CELF2: variants seen among roughly 807,000 people sequenced by gnomAD.
CELF2 encodes the protein CUG triplet repeat RNA-binding protein 2.
A neutral mutation model predicts 62.6 loss-of-function variants in CELF2; 8 were observed. That is an observed-to-expected ratio of 0.13 (90% CI 0.07 to 0.23). The LOEUF (loss-of-function observed/expected upper bound fraction) is 0.23, where lower values mean the gene tolerates loss of function less well. Among genes scored for constraint, CELF2 ranks in the 10% least tolerant of loss-of-function variants. The pLI is 1.00. For missense variants in CELF2, 333 were observed against 671.0 expected, an observed-to-expected ratio of 0.50 and a Z score of 5.56; for synonymous variants, 258 against 250.0, an observed-to-expected ratio of 1.03 and a Z score of -0.30.
At chr10:11,202,943 CTCTCTCTCTG>C (rs1290456276) in intron 2 of CELF2, among the ~76,000 whole-genome samples, 2,406 of 78,468 alleles carry the variant, frequency 0.031, 20 homozygotes, top group Middle Eastern at 0.062. Flanking sequence ...CTCTCTCTCT[CTCTCTCTCTG>C]TGTGTGTGTG....
chr10:10,719,607 A>C, the CELF2 span, among the ~76,000 whole-genome samples: 1 of 152,122 alleles, frequency 6.6e-6, no homozygotes, highest in Non-Finnish European at 1.5e-5. Context: ...TAGCCTAGCC[A>C]AGCACTCTCT....
At position 11,247,253 on chromosome 10, in the gene CELF2, C is replaced by T. The variant is rs2075871501; in HGVS notation, c.355-1900C>T. On this transcript the variant is annotated intron_variant, in intron 3 of 12. Coordinates refer to ENST00000633077, the MANE Select transcript of CELF2 (RefSeq NM_001326342.2). This position sits in a 1 kb window ranked among gnomAD's most constrained non-coding sequence, Gnocchi z 5.4. Reference sequence around the variant, plus strand: ...TCAGTTCCTTAGCTTGCAAGACCCTCTGAGAGCTGGGTGTTGCCCACCTTC... The same window carrying T: ...TCAGTTCCTTAGCTTGCAAGACCCTTTGAGAGCTGGGTGTTGCCCACCTTC... 6.6e-6 allele frequency among the ~76,000 whole-genome samples: 1 copy of T among 152,256 alleles called. No individual in the cohort carries two copies. The highest frequency in any genetic ancestry group is 6.5e-5 in the Admixed American group (1 of 15,292).
intron 1 of CELF2, among the ~76,000 whole-genome samples, chr10:11,067,231 G>A (rs1357222799): frequency 6.6e-6 from 1 of 152,290 alleles, no homozygotes; most frequent in East Asian, 1.9e-4. Flanking sequence ...GTAAGAGTAC[G>A]TAAATGTGTA....
chr10:10,501,773 C>T, the CELF2 span, among the ~76,000 whole-genome samples: 352 of 152,234 alleles, frequency 2.3e-3, 6 homozygotes, highest in East Asian at 0.054. Context: ...ATTTACTTTA[C>T]TTAATGAACT....
At chr10:10,564,656 A>G in the CELF2 span, among the ~76,000 whole-genome samples, 2 of 102,484 alleles carry the variant, frequency 2.0e-5, no homozygotes, top group Admixed American at 1.7e-4. Flanking sequence ...ACACACACAC[A>G]CACACACACA....
the CELF2 span, among the ~76,000 whole-genome samples, chr10:10,715,852 C>T: frequency 1.3e-5 from 2 of 152,156 alleles, no homozygotes; most frequent in Non-Finnish European, 2.9e-5. Flanking sequence ...ATATCCTTTG[C>T]ATTTATAAGG....
At position 11,081,094 on chromosome 10, in the gene CELF2, TA is replaced by T. The variant is rs369983704; in HGVS notation, c.74+62932del. Among the ~76,000 whole-genome samples, 416 of 152,306 alleles carry T rather than the reference TA, an allele frequency of 2.7e-3. 2 individuals carry two copies. The highest frequency in any genetic ancestry group is 9.4e-3 in the African/African-American group (392 of 41,558). On this transcript the variant is annotated intron_variant, in intron 1 of 12. Transcript: ENST00000633077. Reference sequence around the variant, plus strand: ...TCTTTAAATGGTGCTTATTTGGGGATAGGGGGCAATTCCAGTCTTATAATAA... The same window carrying T: ...TCTTTAAATGGTGCTTATTTGGGGATGGGGGCAATTCCAGTCTTATAATAA...
In CELF2 at chr10:11,319,663, T is replaced by A. The variant is rs1591469374; in HGVS notation, c.1097-1526T>A. The A allele has an allele frequency of 2.4e-6, 1 of 418,852 alleles. No individual in the cohort carries two copies. The highest frequency in any genetic ancestry group is 1.8e-5 in the South Asian group (1 of 54,628). The allele number at this position is 418,852 out of a possible 1,614,324, so 25.9% of individuals were successfully genotyped here. On this transcript the variant is annotated intron_variant, in intron 10 of 12. Transcript: ENST00000633077. The surrounding 1 kb of genome is among the most constrained non-coding windows in gnomAD (Gnocchi z 4.4). ...GAGCCTGCACTCAGGAGGCTGCCAC[T>A]CCATTCTCACGCCATTCACACTCGT...
At chr10:10,631,264 A>C in the CELF2 span, among the ~76,000 whole-genome samples, 1 of 152,204 alleles carries the variant, frequency 6.6e-6, no homozygotes, top group South Asian at 2.1e-4. Flanking sequence ...AAACTAAACC[A>C]GGGCTAAAGA....
chr10:10,950,308 A>G (rs1383187703), intron 2 of CELF2, among the ~76,000 whole-genome samples: 1 of 151,830 alleles, frequency 6.6e-6, no homozygotes, highest in Non-Finnish European at 1.5e-5. Flanking sequence ...AGGTGAGAGA[A>G]TGGCCACTCT....
chr10:10,526,507 C>T, the CELF2 span, among the ~76,000 whole-genome samples: 1 of 152,138 alleles, frequency 6.6e-6, no homozygotes, highest in African/African-American at 2.4e-5. Context: ...CCATAACCTG[C>T]CTGGGTGACC....
intron 2 of CELF2, among the ~76,000 whole-genome samples, chr10:10,987,183 A>G (rs577084454): frequency 6.6e-6 from 1 of 152,172 alleles, no homozygotes; most frequent in Admixed American, 6.5e-5. Context: ...AAACTCCAAC[A>G]GCAAAAGGAT....
chr10:10,695,501 C>T, the CELF2 span, among the ~76,000 whole-genome samples: 13 of 150,848 alleles, frequency 8.6e-5, no homozygotes, highest in Admixed American at 5.3e-4. Flanking sequence ...TTGCTCTTCT[C>T]GAGGAGTATC....
At chr10:10,732,695 T>C in the CELF2 span, among the ~76,000 whole-genome samples, 97 of 152,220 alleles carry the variant, frequency 6.4e-4, no homozygotes, top group South Asian at 0.018. Flanking sequence ...GGCTAGTTTT[T>C]GTATTTTTAG....
intron 2 of CELF2, among the ~76,000 whole-genome samples, chr10:11,187,575 C>CA (rs2075276213): frequency 9.2e-6 from 1 of 109,116 alleles, no homozygotes; most frequent in Non-Finnish European, 1.7e-5. Context: ...CTAAGGTCGC[C>CA]CCCCCCCCAA....
chr10:10,973,726 C>T (rs2136230665), intron 2 of CELF2, among the ~76,000 whole-genome samples: 1 of 152,266 alleles, frequency 6.6e-6, no homozygotes, highest in Admixed American at 6.5e-5. Context: ...GCCACCACAC[C>T]TGGCTAATTT....
chr10:11,138,108 C>T (rs540883388), intron 1 of CELF2, among the ~76,000 whole-genome samples: 2 of 151,658 alleles, frequency 1.3e-5, no homozygotes, highest in South Asian at 4.2e-4. Flanking sequence ...AAAGTTATTT[C>T]TAGCACATTA....
the CELF2 span, among the ~76,000 whole-genome samples, chr10:10,763,266 G>C: frequency 6.6e-6 from 1 of 152,236 alleles, no homozygotes; most frequent in Non-Finnish European, 1.5e-5. Context: ...CATTTGAGCA[G>C]TTCCAACATT....
intron 3 of CELF2, among the ~76,000 whole-genome samples, chr10:11,236,676 C>A (rs769999534): frequency 2.0e-5 from 3 of 152,192 alleles, no homozygotes; most frequent in Non-Finnish European, 4.4e-5. Context: ...ATGAAACGGT[C>A]ACTATTAACC....
Sources: gnomAD v4.1 joint callset for allele counts (sites outside exome capture counted in the v4.1 genomes callset) on GRCh38, gnomAD v4.1.1 for gene constraint, Gnocchi (gnomAD v3.1) non-coding constraint, MANE v1.5 for transcripts, NCBI Gene and HGNC (gene_info 2026-07-23, HGNC 2026-07-21) for gene names.